GPR137C: variants seen among roughly 807,000 people sequenced by gnomAD.
GPR137C encodes the protein G protein-coupled receptor 137C.
GPR137C carries 27 observed loss-of-function variants against 43.4 expected under a neutral mutation model. That is an observed-to-expected ratio of 0.62 (90% confidence interval 0.46 to 0.86). GPR137C has a LOEUF of 0.86. Ranked by LOEUF, GPR137C falls within the 40% of genes least tolerant of loss-of-function variation. The probability of loss-of-function intolerance (pLI) is 0.00; values close to 1 mark genes in which losing one functional copy is unlikely to be tolerated. For synonymous variants in GPR137C, 285 were observed against 226.9 expected (o/e 1.26, Z -2.30); for missense variants, 522 against 534.6 (o/e 0.98, Z 0.23).
At chr14:52,619,291 G>A (rs2039133307) in intron 3 of GPR137C, among the ~76,000 whole-genome samples, 1 of 152,120 alleles carries the variant, frequency 6.6e-6, no homozygotes, top group Non-Finnish European at 1.5e-5. Flanking sequence ...CTCTCTTCCA[G>A]CACCTTGAAA....
At chr14:52,612,281 C>T (rs1054392845) in intron 3 of GPR137C, 117 of 927,020 alleles carry the variant, frequency 1.3e-4, no homozygotes, top group Non-Finnish European at 1.4e-4. Flanking sequence ...CTGCTTTTCC[C>T]CTTATACTAG....
chr14:52,616,172 C>T (rs923390206), intron 3 of GPR137C, among the ~76,000 whole-genome samples: 7 of 152,194 alleles, frequency 4.6e-5, no homozygotes, highest in African/African-American at 1.7e-4. Context: ...AGCCCTGTCT[C>T]AAACATTGCA....
chr14:52,567,074 C>T (rs1255890737), intron 1 of GPR137C, among the ~76,000 whole-genome samples: 1 of 152,138 alleles, frequency 6.6e-6, no homozygotes, highest in Non-Finnish European at 1.5e-5. Flanking sequence ...GATCACACCA[C>T]TGCACTCCAG....
In GPR137C at chr14:52,558,740, T is replaced by A. The variant is rs186052786; in HGVS notation, c.444+5149T>A. Among the ~76,000 whole-genome samples, 1,076 of 152,152 alleles carry A rather than the reference T, an allele frequency of 7.1e-3. 21 individuals carry two copies. The highest frequency in any genetic ancestry group is 5.6e-3 in the Non-Finnish European group (383 of 67,986). On this transcript the variant is annotated intron_variant, in intron 1 of 6. Transcript: ENST00000321662. ...TTAAACACTGTTGAAATACAAAAAATTGGCACATTTGGAAATCATTTTTTA... is the reference window on the plus strand; with the variant it reads ...TTAAACACTGTTGAAATACAAAAAAATGGCACATTTGGAAATCATTTTTTA...
intron 1 of GPR137C, among the ~76,000 whole-genome samples, chr14:52,572,629 A>G (rs192094626): frequency 0.013 from 1,935 of 152,332 alleles, 30 homozygotes; most frequent in Non-Finnish European, 0.019. Context: ...TGACAAACCC[A>G]CAGCCAATAT....
At chr14:52,606,783 A>G (rs1472028139) in intron 3 of GPR137C, among the ~76,000 whole-genome samples, 1 of 151,712 alleles carries the variant, frequency 6.6e-6, no homozygotes, top group African/African-American at 2.4e-5. Flanking sequence ...TTAAGTCTCA[A>G]TTTCATTTAT....
chr14:52,622,658 G>A (rs1267398161), intron 3 of GPR137C, among the ~76,000 whole-genome samples: 2 of 151,896 alleles, frequency 1.3e-5, no homozygotes, highest in African/African-American at 2.4e-5. Flanking sequence ...TGTCTGTCAG[G>A]TAAAAAATGG....
intron 3 of GPR137C, among the ~76,000 whole-genome samples, chr14:52,623,485 G>T (rs963603986): frequency 2.6e-5 from 4 of 151,964 alleles, no homozygotes; most frequent in African/African-American, 9.7e-5. Context: ...ACAATATTTG[G>T]TGTTTAAAGC....
At chr14:52,595,187 C>G (rs1341688267) in intron 1 of GPR137C, among the ~76,000 whole-genome samples, 1 of 152,156 alleles carries the variant, frequency 6.6e-6, no homozygotes, top group Non-Finnish European at 1.5e-5. Context: ...CGAGAGATCC[C>G]CTGTTAGTCT....
intron 1 of GPR137C, among the ~76,000 whole-genome samples, chr14:52,596,613 G>A (rs1017378371): frequency 9.2e-5 from 14 of 152,324 alleles, no homozygotes; most frequent in African/African-American, 2.2e-4. Flanking sequence ...CTCTGTGGGC[G>A]TGGGACCCAC....
intron 1 of GPR137C, among the ~76,000 whole-genome samples, chr14:52,590,168 C>G (rs1461583547): frequency 6.6e-6 from 1 of 151,286 alleles, no homozygotes; most frequent in Admixed American, 6.6e-5. Flanking sequence ...CTGTGTAGGC[C>G]TAAGCTAATG....
chr14:52,575,281 G>C (rs1204526207), intron 1 of GPR137C, among the ~76,000 whole-genome samples: 1 of 152,156 alleles, frequency 6.6e-6, no homozygotes, highest in Non-Finnish European at 1.5e-5. Flanking sequence ...TGTAGTCCCA[G>C]CTACTCAGGG....
At chr14:52,584,008 A>T (rs975740983) in intron 1 of GPR137C, among the ~76,000 whole-genome samples, 1 of 152,164 alleles carries the variant, frequency 6.6e-6, no homozygotes, top group African/African-American at 2.4e-5. Context: ...TTTTACCCTC[A>T]TCCTGACTTT....
In GPR137C at chr14:52,552,943, C is replaced by A. The variant is rs1201555538; in HGVS notation, c.-205C>A. Among the ~76,000 whole-genome samples, 1 of 151,668 alleles carries A rather than the reference C, an allele frequency of 6.6e-6. No homozygotes were observed. The highest frequency in any genetic ancestry group is 1.5e-5 in the Non-Finnish European group (1 of 67,854). On this transcript the variant is annotated 5_prime_UTR_variant, in exon 1 of 7. Transcript: ENST00000321662. The stretch of plus-strand genomic sequence containing the variant: ...GAGCCGCAGCAGGAGGAGCCGAGAC[C>A]CCCGGGGGGTGGGGGGAAAGAGGAG...
intron 3 of GPR137C, among the ~76,000 whole-genome samples, chr14:52,616,121 C>T (rs1311673145): frequency 6.6e-6 from 1 of 152,126 alleles, no homozygotes; most frequent in Non-Finnish European, 1.5e-5. Context: ...TAGCAAAAGT[C>T]ATTATTTAAC....
chr14:52,577,799 CAAAAAAAA>C (rs564080315), intron 1 of GPR137C, among the ~76,000 whole-genome samples: 3 of 104,220 alleles, frequency 2.9e-5, no homozygotes, highest in African/African-American at 1.1e-4. Context: ...ACCATCTCTA[CAAAAAAAA>C]AAAAAAAAAA....
chr14:52,597,602 C>G (rs2038871813), intron 1 of GPR137C, among the ~76,000 whole-genome samples: 1 of 152,128 alleles, frequency 6.6e-6, no homozygotes, highest in African/African-American at 2.4e-5. Flanking sequence ...TAAAAACTTT[C>G]AATATCTTCC....
Position 52,634,926 on chromosome 14 carries a change from T to A in GPR137C, c.1113-12T>A, listed in dbSNP as rs376670463. The stretch of plus-strand genomic sequence containing the variant: ...ATAGTCCTATGGTCTTTTTGCCTTT[T>A]TTTTGTTGCAGTTTACCAAATTCGC... On this transcript the variant is annotated splice_polypyrimidine_tract_variant and intron_variant, in intron 6 of 6. Coordinates refer to ENST00000321662, the MANE Select transcript of GPR137C (RefSeq NM_001099652.2). The A allele has an allele frequency of 1.8e-4, 292 of 1,610,694 alleles. No individual in the cohort carries two copies. The highest frequency in any genetic ancestry group is 2.2e-4 in the Non-Finnish European group (264 of 1,178,748).
intron 1 of GPR137C, among the ~76,000 whole-genome samples, chr14:52,555,481 G>A (rs978950083): frequency 5.9e-5 from 9 of 152,130 alleles, no homozygotes; most frequent in African/African-American, 1.7e-4. Flanking sequence ...TAAGCACAAA[G>A]TGGGTAAACA....
Sources: allele counts gnomAD v4.1 joint callset (sites outside exome capture counted in the v4.1 genomes callset), GRCh38; gene constraint gnomAD v4.1.1; transcripts MANE v1.5; gene names NCBI Gene and HGNC (gene_info 2026-07-23, HGNC 2026-07-21).